Variants in KCTD8 observed in about 807,000 individuals in gnomAD.
KCTD8 encodes the protein BTB/POZ domain-containing protein KCTD8.
KCTD8 carries 27 observed loss-of-function variants against 31.5 expected under a neutral mutation model. The observed-to-expected ratio is 0.86, with a 90% CI of 0.63 to 1.18. KCTD8 has a LOEUF of 1.18. Among genes scored for constraint, KCTD8 ranks in the 50% most tolerant of loss-of-function variants. KCTD8 has a pLI of 0.00. For synonymous variants in KCTD8, 290 were observed against 280.0 expected, an observed-to-expected ratio of 1.04 and a Z score of -0.36; for missense variants, 658 against 647.7, an observed-to-expected ratio of 1.02 and a Z score of -0.17.
At chr4:44,265,041 G>C (rs1453412868) in intron 1 of KCTD8, among the ~76,000 whole-genome samples, 1 of 152,178 alleles carries the variant, frequency 6.6e-6, no homozygotes, top group Non-Finnish European at 1.5e-5. Flanking sequence ...GAGAGCAGTG[G>C]TTCTCCCAGC....
Position 44,286,878 on chromosome 4 carries a change from G to A in KCTD8, c.962-111628C>T, listed in dbSNP as rs184539561. ...AGAGTGGATATGGAGAGCAGATTCA[G>A]GATAGAAGTAGGTAACAGAGGACTT... is the stretch of plus-strand genomic sequence containing the variant. On this transcript the variant is annotated intron_variant, in intron 1 of 1. Coordinates refer to ENST00000360029, the MANE Select transcript of KCTD8 (RefSeq NM_198353.3). Among the ~76,000 whole-genome samples, 3 of 152,228 alleles carry A rather than the reference G, an allele frequency of 2.0e-5. No individual in the cohort carries two copies. The South Asian group carries it at 6.2e-4, about 31-fold the overall frequency.
intron 1 of KCTD8, among the ~76,000 whole-genome samples, chr4:44,437,764 A>AT (rs552178100): frequency 2.6e-4 from 40 of 152,204 alleles, no homozygotes; most frequent in African/African-American, 8.9e-4. Context: ...AATTTCTACC[A>AT]TTTTCTCCCT....
chr4:44,343,851 G>A (rs949092451), intron 1 of KCTD8, among the ~76,000 whole-genome samples: 1 of 151,462 alleles, frequency 6.6e-6, no homozygotes, highest in Non-Finnish European at 1.5e-5. Flanking sequence ...TTTTGTTGTT[G>A]TTGTTTGTTT....
chr4:44,265,685 G>C (rs903905835), intron 1 of KCTD8, among the ~76,000 whole-genome samples: 3 of 152,180 alleles, frequency 2.0e-5, no homozygotes, highest in African/African-American at 7.2e-5. Flanking sequence ...AACCAATACA[G>C]AGAAGTGCTT....
At chr4:44,184,258 C>T (rs1713514598) in intron 1 of KCTD8, among the ~76,000 whole-genome samples, 1 of 152,126 alleles carries the variant, frequency 6.6e-6, no homozygotes, top group African/African-American at 2.4e-5. Context: ...ATCAGTAAAA[C>T]TGCCATGCTA....
Position 44,242,167 on chromosome 4 carries a change from T to A in KCTD8, c.962-66917A>T, listed in dbSNP as rs543130580. On this transcript the variant is annotated intron_variant, in intron 1 of 1. Transcript: ENST00000360029. ...CAACAAGGGCTTACTATGTACAAGATACTATTTTAAATGTATTAACTGTAT... is the reference window on the plus strand; with the variant it reads ...CAACAAGGGCTTACTATGTACAAGAAACTATTTTAAATGTATTAACTGTAT... 3.0e-4 allele frequency among the ~76,000 whole-genome samples: 45 copies of A among 152,368 alleles called. 1 individual carries two copies. The highest frequency in any genetic ancestry group is 2.4e-3 in the Admixed American group (36 of 15,308).
chr4:44,194,510 T>A (rs923936030), intron 1 of KCTD8, among the ~76,000 whole-genome samples: 1 of 152,118 alleles, frequency 6.6e-6, no homozygotes. Context: ...ATATTAATGG[T>A]TATTCATTAA....
At chr4:44,224,976 A>G (rs1158857525) in intron 1 of KCTD8, among the ~76,000 whole-genome samples, 1 of 152,200 alleles carries the variant, frequency 6.6e-6, no homozygotes, top group Non-Finnish European at 1.5e-5. Context: ...GGTAAGAACT[A>G]GTCATATGAC....
chr4:44,289,169 T>A (rs559666131), intron 1 of KCTD8, among the ~76,000 whole-genome samples: 5 of 151,564 alleles, frequency 3.3e-5, no homozygotes, highest in Non-Finnish European at 7.4e-5. Flanking sequence ...GTTTCATATG[T>A]ATGTAATTCA....
At chr4:44,427,156 C>A (rs1316410778) in intron 1 of KCTD8, among the ~76,000 whole-genome samples, 1 of 151,212 alleles carries the variant, frequency 6.6e-6, no homozygotes, top group Non-Finnish European at 1.5e-5. Context: ...AAGAGAATAT[C>A]CTAAACTTGG....
intron 1 of KCTD8, among the ~76,000 whole-genome samples, chr4:44,273,800 A>G (rs1286124132): frequency 6.6e-6 from 1 of 151,912 alleles, no homozygotes; most frequent in Non-Finnish European, 1.5e-5. Context: ...ATGACTGATA[A>G]ACCCAAAACA....
intron 1 of KCTD8, among the ~76,000 whole-genome samples, chr4:44,248,790 A>G (rs2109360406): frequency 6.6e-6 from 1 of 151,992 alleles, no homozygotes; most frequent in East Asian, 1.9e-4. Context: ...GAATGCACAT[A>G]TAAATGATGA....
At chr4:44,368,125 T>C (rs1015380588) in intron 1 of KCTD8, among the ~76,000 whole-genome samples, 3 of 152,072 alleles carry the variant, frequency 2.0e-5, no homozygotes, top group Non-Finnish European at 4.4e-5. Context: ...GCCTGTAATC[T>C]CAGCACTTTG....
At chr4:44,256,955 T>G (rs1345611217) in intron 1 of KCTD8, among the ~76,000 whole-genome samples, 1 of 152,010 alleles carries the variant, frequency 6.6e-6, no homozygotes, top group Non-Finnish European at 1.5e-5. Context: ...CCTAACAGTT[T>G]CTTTTTTCAT....
At chr4:44,207,401 T>C (rs1714346851) in intron 1 of KCTD8, among the ~76,000 whole-genome samples, 1 of 152,188 alleles carries the variant, frequency 6.6e-6, no homozygotes, top group African/African-American at 2.4e-5. Flanking sequence ...TTCCAACATA[T>C]GATAGAATTT....
intron 1 of KCTD8, among the ~76,000 whole-genome samples, chr4:44,285,097 T>C (rs1717025340): frequency 6.6e-6 from 1 of 152,174 alleles, no homozygotes; most frequent in Non-Finnish European, 1.5e-5. Flanking sequence ...AGAAATACCA[T>C]TTGACCCAGC....
At chr4:44,302,849 G>A (rs1195554268) in intron 1 of KCTD8, among the ~76,000 whole-genome samples, 2 of 152,054 alleles carry the variant, frequency 1.3e-5, no homozygotes, top group African/African-American at 2.4e-5. Context: ...GATATTGGCT[G>A]TGGGTTTGTC....
chr4:44,272,150 A>G (rs1716632159), intron 1 of KCTD8, among the ~76,000 whole-genome samples: 1 of 140,228 alleles, frequency 7.1e-6, no homozygotes, highest in Non-Finnish European at 1.5e-5. Flanking sequence ...TAAATGCTGA[A>G]CCATAAGTAA....
In KCTD8 at chr4:44,253,470, C is replaced by T. The variant is rs184699342; in HGVS notation, c.962-78220G>A. 2.5e-3 allele frequency among the ~76,000 whole-genome samples: 386 copies of T among 151,864 alleles called. 9 individuals are homozygous for T. Among genetic ancestry groups the T allele is most frequent in the Non-Finnish European group, 7.1e-4 (48 of 67,824 alleles). On this transcript the variant is annotated intron_variant, in intron 1 of 1. Transcript: ENST00000360029. ...TTGTGTCCTCTTCTTTATATCTGGGCTGGTTTTGCAAAATGGAATCCAATA... is the reference window on the plus strand; with the variant it reads ...TTGTGTCCTCTTCTTTATATCTGGGTTGGTTTTGCAAAATGGAATCCAATA...
Sources: gnomAD v4.1 joint callset for allele counts (sites outside exome capture counted in the v4.1 genomes callset) on GRCh38, gnomAD v4.1.1 for gene constraint, MANE v1.5 for transcripts, NCBI Gene and HGNC (gene_info 2026-07-23, HGNC 2026-07-21) for gene names.